The following RTL4 variants were observed in gnomAD, a reference collection of about 807,000 sequenced individuals.
RTL4 encodes retrotransposon Gag like 4.
In RTL4, 4 loss-of-function variants were observed where a neutral mutation model predicts 5.3. The ratio of observed to expected loss-of-function variants is 0.75; its 90% CI spans 0.37 to 1.72. RTL4 has a LOEUF of 1.72. Ranked by LOEUF, RTL4 falls within the 40% of genes most tolerant of loss-of-function variation. The pLI is 0.04. For missense variants in RTL4, 260 were observed against 227.1 expected, an observed-to-expected ratio of 1.14 and a Z score of -0.93; for synonymous variants, 98 against 87.3, an observed-to-expected ratio of 1.12 and a Z score of -0.68.
chrX:112,138,101 T>C, the RTL4 span, among the ~76,000 whole-genome samples: 1 of 112,301 alleles, frequency 8.9e-6, no homozygotes, highest in Non-Finnish European at 1.9e-5. Context: ...ACAATATGGA[T>C]GAACCTGTAG....
chrX:112,450,906 T>G (rs1441807892), upstream of RTL4, among the ~76,000 whole-genome samples: 7 of 111,981 alleles, frequency 6.3e-5, no homozygotes, highest in Non-Finnish European at 1.3e-4. Context: ...CTCTGTAAAA[T>G]GGAAGCAATT....
the RTL4 span, among the ~76,000 whole-genome samples, chrX:112,198,806 T>C: frequency 9.0e-6 from 1 of 110,703 alleles, no homozygotes; most frequent in Non-Finnish European, 1.9e-5. Flanking sequence ...TGATGAAAAT[T>C]GTGCAGATTG....
chrX:112,229,817 A>T, the RTL4 span, among the ~76,000 whole-genome samples: 1 of 112,055 alleles, frequency 8.9e-6, no homozygotes, highest in Admixed American at 9.4e-5. Flanking sequence ...TTGCCTGGGT[A>T]TCAGCAGCAG....
chrX:112,359,383 T>C, the RTL4 span, among the ~76,000 whole-genome samples: 1 of 111,838 alleles, frequency 8.9e-6, no homozygotes. Context: ...ATAATTGATC[T>C]TATTCATTTC....
the RTL4 span, among the ~76,000 whole-genome samples, chrX:112,441,141 G>C: frequency 9.0e-6 from 1 of 111,044 alleles, no homozygotes; most frequent in Non-Finnish European, 1.9e-5. Context: ...CCCATGAAGC[G>C]TTAATCCAAT....
chrX:112,108,555 A>G, the RTL4 span, among the ~76,000 whole-genome samples: 24 of 111,437 alleles, frequency 2.2e-4, no homozygotes, highest in African/African-American at 7.5e-4. Flanking sequence ...GCATGGGTCA[A>G]CAGGTGGGCA....
the RTL4 span, among the ~76,000 whole-genome samples, chrX:112,245,676 G>A: frequency 1.1e-5 from 1 of 94,965 alleles, no homozygotes. Context: ...TGTTATTACC[G>A]ACCTTTGAAG....
At chrX:112,179,466 C>A in the RTL4 span, among the ~76,000 whole-genome samples, 3 of 111,462 alleles carry the variant, frequency 2.7e-5, no homozygotes, top group South Asian at 1.1e-3. Flanking sequence ...TATGTTGGGT[C>A]GGTTCACCAA....
the RTL4 span, among the ~76,000 whole-genome samples, chrX:112,307,703 A>G: frequency 9.0e-6 from 1 of 110,980 alleles, no homozygotes; most frequent in Non-Finnish European, 1.9e-5. Context: ...TTTAACTTTC[A>G]CTCATGATCC....
At chrX:112,347,234 A>G in the RTL4 span, among the ~76,000 whole-genome samples, 7 of 110,618 alleles carry the variant, frequency 6.3e-5, no homozygotes, top group Non-Finnish European at 1.1e-4. Context: ...AAACTCAACA[A>G]TTTTTTTTTC....
chrX:112,392,292 G>A, the RTL4 span, among the ~76,000 whole-genome samples: 1 of 111,620 alleles, frequency 9.0e-6, no homozygotes, highest in Non-Finnish European at 1.9e-5. Flanking sequence ...AGGAGATATG[G>A]GAATGGGCAC....
the RTL4 span, among the ~76,000 whole-genome samples, chrX:112,181,292 T>G: frequency 3.6e-5 from 4 of 110,629 alleles, no homozygotes; most frequent in Admixed American, 2.9e-4. Context: ...GGAGTTTTTT[T>G]CCATACCCCA....
chrX:112,309,883 C>T, the RTL4 span, among the ~76,000 whole-genome samples: 11 of 102,156 alleles, frequency 1.1e-4, no homozygotes, highest in East Asian at 3.2e-4. Flanking sequence ...CATATATATA[C>T]ACACACACAC....
chrX:112,138,227 G>A, the RTL4 span, among the ~76,000 whole-genome samples: 2 of 111,937 alleles, frequency 1.8e-5, no homozygotes, highest in Non-Finnish European at 3.8e-5. Flanking sequence ...TTAGAATGGC[G>A]GTAGCCAGGG....
At chrX:112,216,055 A>T in the RTL4 span, among the ~76,000 whole-genome samples, 4 of 111,671 alleles carry the variant, frequency 3.6e-5, no homozygotes, top group African/African-American at 1.3e-4. Flanking sequence ...GGGGAGAGGG[A>T]ATGGTATTTT....
the RTL4 span, among the ~76,000 whole-genome samples, chrX:112,086,661 T>TG: frequency 8.9e-6 from 1 of 112,052 alleles, no homozygotes; most frequent in Non-Finnish European, 1.9e-5. Flanking sequence ...CAGTGTTACT[T>TG]GCTTTGGATA....
At chrX:112,179,788 A>G in the RTL4 span, among the ~76,000 whole-genome samples, 1 of 112,209 alleles carries the variant, frequency 8.9e-6, no homozygotes, top group South Asian at 3.7e-4. Context: ...AGGAGATGAT[A>G]AGGGATATGA....
At chrX:112,235,268 C>T in the RTL4 span, among the ~76,000 whole-genome samples, 1 of 111,918 alleles carries the variant, frequency 8.9e-6, no homozygotes, top group Non-Finnish European at 1.9e-5. Flanking sequence ...GGCCAAAATA[C>T]AGCCTCCTTT....
the RTL4 span, among the ~76,000 whole-genome samples, chrX:112,151,335 A>G: frequency 8.9e-6 from 1 of 112,044 alleles, no homozygotes; most frequent in South Asian, 3.7e-4. Flanking sequence ...GCCAAAGGCA[A>G]TTATGAAGCA....
Sources: gnomAD v4.1 joint callset for allele counts (sites outside exome capture counted in the v4.1 genomes callset) on GRCh38, gnomAD v4.1.1 for gene constraint, MANE v1.5 for transcripts, NCBI Gene and HGNC (gene_info 2026-07-23, HGNC 2026-07-21) for gene names.